Variants in CNTN4 observed in about 807,000 individuals in gnomAD.
The protein encoded by CNTN4 is contactin-4.
A neutral mutation model predicts 122.5 loss-of-function variants in CNTN4; 77 were observed. The ratio of observed to expected loss-of-function variants is 0.63; its 90% CI spans 0.52 to 0.76. The LOEUF (loss-of-function observed/expected upper bound fraction) is 0.76, where lower values mean the gene tolerates loss of function less well. Among genes scored for constraint, CNTN4 ranks in the 30% least tolerant of loss-of-function variants. The pLI, the probability that CNTN4 is intolerant of heterozygous loss-of-function variation, is 0.00. For missense variants in CNTN4, 1,256 were observed against 1,259.1 expected, an observed-to-expected ratio of 1.00 and a Z score of 0.04; for synonymous variants, 512 against 447.0, an observed-to-expected ratio of 1.15 and a Z score of -1.83.
chr3:2,277,382 G>C (rs1286875852), intron 2 of CNTN4, among the ~76,000 whole-genome samples: 1 of 152,042 alleles, frequency 6.6e-6, no homozygotes, highest in Non-Finnish European at 1.5e-5. Context: ...GCTAACTGTT[G>C]CTTAGTTTTA....
At chr3:2,903,726 G>C (rs2094200098) in intron 12 of CNTN4, among the ~76,000 whole-genome samples, 1 of 152,088 alleles carries the variant, frequency 6.6e-6, no homozygotes, top group Non-Finnish European at 1.5e-5. Flanking sequence ...TATGAAAGAT[G>C]CCACAGTTAC....
chr3:2,654,949 A>G (rs1165756815), intron 4 of CNTN4, among the ~76,000 whole-genome samples: 1 of 152,160 alleles, frequency 6.6e-6, no homozygotes, highest in East Asian at 1.9e-4. Flanking sequence ...AACACTTCAG[A>G]ATGTATAGAA....
At chr3:2,917,020 C>G (rs2094369435) in intron 12 of CNTN4, among the ~76,000 whole-genome samples, 1 of 125,586 alleles carries the variant, frequency 8.0e-6, no homozygotes, top group African/African-American at 2.9e-5. Flanking sequence ...CCATTGAGCA[C>G]TGAGTGAACC....
At chr3:2,950,888 A>G (rs2094734109) in intron 13 of CNTN4, among the ~76,000 whole-genome samples, 1 of 152,188 alleles carries the variant, frequency 6.6e-6, no homozygotes, top group Admixed American at 6.5e-5. Context: ...TCATGACAAC[A>G]CGAGTTGCCT....
At chr3:3,008,144 G>C (rs1054388937) in intron 14 of CNTN4, among the ~76,000 whole-genome samples, 1 of 152,008 alleles carries the variant, frequency 6.6e-6, no homozygotes, top group Non-Finnish European at 1.5e-5. Context: ...GAGAGAAGAG[G>C]TATTAATTCT....
chr3:2,969,423 C>T (rs1461182794), intron 13 of CNTN4, among the ~76,000 whole-genome samples: 3 of 152,164 alleles, frequency 2.0e-5, no homozygotes, highest in African/African-American at 7.2e-5. Context: ...GTCTGTGTCA[C>T]ATGAACACCC....
At chr3:3,041,275 T>G (rs1439849624) in intron 20 of CNTN4, 1 of 152,290 alleles carries the variant, frequency 6.6e-6, no homozygotes, top group Non-Finnish European at 1.5e-5. Context: ...TCTGTCTGCC[T>G]CAGCTGCTGA....
intron 4 of CNTN4, among the ~76,000 whole-genome samples, chr3:2,627,793 A>T (rs768123028): frequency 2.6e-5 from 4 of 152,134 alleles, no homozygotes; most frequent in Non-Finnish European, 5.9e-5. Context: ...GTGCCTGGCC[A>T]ACTGTCATTT....
At chr3:2,996,711 TATCC>T in intron 14 of CNTN4, among the ~76,000 whole-genome samples, 1 of 152,326 alleles carries the variant, frequency 6.6e-6, no homozygotes, top group East Asian at 1.9e-4. Flanking sequence ...ATATTGAAGC[TATCC>T]ATCTGGCTTG....
chr3:2,346,493 G>T (rs893593038), intron 3 of CNTN4, among the ~76,000 whole-genome samples: 1 of 151,946 alleles, frequency 6.6e-6, no homozygotes, highest in African/African-American at 2.4e-5. Context: ...TTGCTCAAAA[G>T]TTCCTATTAA....
chr3:2,810,138 C>T (rs921553511), intron 6 of CNTN4, among the ~76,000 whole-genome samples: 2 of 151,968 alleles, frequency 1.3e-5, no homozygotes, highest in African/African-American at 4.8e-5. Flanking sequence ...ACTTCTGGGT[C>T]GGGAAAATCC....
chr3:2,799,468 CT>C (rs879326534), intron 6 of CNTN4, among the ~76,000 whole-genome samples: 17 of 151,756 alleles, frequency 1.1e-4, no homozygotes, highest in Non-Finnish European at 1.9e-4. Flanking sequence ...AGTTTCAGGT[CT>C]TTTTTTTCTT....
rs1340193862 is a variant in CNTN4, at chr3:2,788,947, A to C, written c.359-30539A>C. Among the ~76,000 whole-genome samples the C allele has an allele frequency of 2.0e-5, 3 of 152,330 alleles. No individual in the cohort carries two copies. In the South Asian group the frequency reaches 6.2e-4, roughly 32 times the overall value. ...AATCTTCTAAGAGACACAAAAACAG[A>C]AAAAAAGTTCTGATTCTATCTGTCT... On this transcript the variant is annotated intron_variant, in intron 6 of 24. Coordinates refer to ENST00000418658, the MANE Select transcript of CNTN4 (RefSeq NM_175607.3).
At chr3:2,885,199 T>C (rs978275887) in intron 9 of CNTN4, among the ~76,000 whole-genome samples, 1 of 152,156 alleles carries the variant, frequency 6.6e-6, no homozygotes, top group African/African-American at 2.4e-5. Flanking sequence ...AATAAGTAAA[T>C]AATTGTATCC....
chr3:3,048,514 CTCTGTGTG>C (rs1287269026), intron 23 of CNTN4, among the ~76,000 whole-genome samples: 3 of 134,278 alleles, frequency 2.2e-5, no homozygotes, highest in African/African-American at 6.6e-5. Flanking sequence ...CTCTCTCTCT[CTCTGTGTG>C]TGTGTGTGTG....
chr3:2,963,162 A>G (rs1452096542), intron 13 of CNTN4, among the ~76,000 whole-genome samples: 2 of 152,090 alleles, frequency 1.3e-5, no homozygotes, highest in Non-Finnish European at 2.9e-5. Flanking sequence ...TCTCTAGTCT[A>G]TGCCACATCT....
chr3:2,792,687 C>T (rs1408571860), intron 6 of CNTN4, among the ~76,000 whole-genome samples: 1 of 152,212 alleles, frequency 6.6e-6, no homozygotes, highest in Non-Finnish European at 1.5e-5. Flanking sequence ...ATTCCATTCA[C>T]TTAGCACTCA....
At position 2,958,502 on chromosome 3, in the gene CNTN4, A is replaced by G. The variant is rs147717919; in HGVS notation, c.1359-29843A>G. Among the ~76,000 whole-genome samples the G allele has an allele frequency of 1.3e-3, 196 of 152,320 alleles. 2 individuals carry two copies. In the East Asian group the frequency reaches 0.032, roughly 25 times the overall value. ...TAATGTGCTTCTTCTAAATGTTAGC[A>G]TAAACAATCTGCATTTTTTTGAATT... On this transcript the variant is annotated intron_variant, in intron 13 of 24. Transcript: ENST00000418658.
In CNTN4 at chr3:3,009,364, TAAACAAG is replaced by T. The variant is rs555698823; in HGVS notation, c.1487-16732_1487-16726del. ...AGCACCCTTTTCTTGTTTATGCAAA[TAAACAAG>T]AAACACCCTTTTCTTGCTACTGTCA... On this transcript the variant is annotated intron_variant, in intron 14 of 24. Transcript: ENST00000418658. Among the ~76,000 whole-genome samples, 468 of 152,296 alleles carry T rather than the reference TAAACAAG, an allele frequency of 3.1e-3. 2 individuals carry two copies. The highest frequency in any genetic ancestry group is 2.5e-3 in the Non-Finnish European group (169 of 68,002).
Sources: allele counts gnomAD v4.1 joint callset (sites outside exome capture counted in the v4.1 genomes callset), GRCh38; gene constraint gnomAD v4.1.1; transcripts MANE v1.5; gene names NCBI Gene and HGNC (gene_info 2026-07-23, HGNC 2026-07-21).